The following GPC5 variants were observed in gnomAD, a reference collection of about 807,000 sequenced individuals.
The protein encoded by GPC5 is glypican 5.
Under a neutral mutation model 53.9 loss-of-function variants are expected in GPC5, and 47 were observed. That is an observed-to-expected ratio of 0.87 (90% CI 0.69 to 1.11). GPC5 has a LOEUF of 1.11. Ranked by LOEUF, GPC5 falls within the 50% of genes most tolerant of loss-of-function variation. The pLI is 0.00. For synonymous variants in GPC5, 286 were observed against 263.3 expected (o/e 1.09, Z -0.84); for missense variants, 748 against 713.1 (o/e 1.05, Z -0.56).
At chr13:92,613,118 C>T (rs1252571369) in intron 7 of GPC5, among the ~76,000 whole-genome samples, 4 of 149,062 alleles carry the variant, frequency 2.7e-5, no homozygotes, top group Admixed American at 6.9e-5. Context: ...AGAAGCAATA[C>T]GCCTGAATTA....
intron 2 of GPC5, among the ~76,000 whole-genome samples, chr13:91,683,105 T>C (rs1372425429): frequency 6.6e-6 from 1 of 151,868 alleles, no homozygotes; most frequent in Non-Finnish European, 1.5e-5. Flanking sequence ...TTATCCTGAA[T>C]TATCTGGGTG....
chr13:91,970,057 G>C (rs531003719), intron 6 of GPC5, among the ~76,000 whole-genome samples: 14 of 152,134 alleles, frequency 9.2e-5, no homozygotes, highest in East Asian at 1.9e-4. Flanking sequence ...AAATGTGCTA[G>C]ATACACACAA....
At chr13:91,647,743 G>T (rs1275938774) in intron 2 of GPC5, among the ~76,000 whole-genome samples, 1 of 152,204 alleles carries the variant, frequency 6.6e-6, no homozygotes, top group Non-Finnish European at 1.5e-5. Flanking sequence ...GGTCATGCCT[G>T]TAGCATGGTC....
chr13:91,971,397 T>C (rs1374293729), intron 6 of GPC5, among the ~76,000 whole-genome samples: 1 of 152,190 alleles, frequency 6.6e-6, no homozygotes, highest in Non-Finnish European at 1.5e-5. Context: ...ATCAATTTTG[T>C]TGATCTTTTC....
At chr13:92,675,020 G>T (rs17267306) in intron 7 of GPC5, among the ~76,000 whole-genome samples, 33,593 of 151,980 alleles carry the variant, frequency 0.22, 4,366 homozygotes, top group South Asian at 0.36. Flanking sequence ...GCTGTTTTGA[G>T]TTATATTTTT....
At chr13:92,284,902 C>T (rs769683484) in intron 7 of GPC5, among the ~76,000 whole-genome samples, 3 of 152,060 alleles carry the variant, frequency 2.0e-5, no homozygotes, top group Admixed American at 6.6e-5. Flanking sequence ...GGTAATCAGG[C>T]AGGAGAAATA....
chr13:92,160,450 T>A (rs1315240476), intron 7 of GPC5, among the ~76,000 whole-genome samples: 1 of 152,202 alleles, frequency 6.6e-6, no homozygotes, highest in African/African-American at 2.4e-5. Context: ...CTGTGTAGGA[T>A]AACATCTGTT....
At chr13:92,323,361 CATAT>C (rs200094469) in intron 7 of GPC5, among the ~76,000 whole-genome samples, 1 of 148,606 alleles carries the variant, frequency 6.7e-6, no homozygotes, top group Non-Finnish European at 1.5e-5. Context: ...ATAACAGATA[CATAT>C]ATATATATGT....
At chr13:91,674,192 G>A (rs894091565) in intron 2 of GPC5, among the ~76,000 whole-genome samples, 7 of 152,054 alleles carry the variant, frequency 4.6e-5, no homozygotes, top group African/African-American at 1.7e-4. Context: ...GGGCCATGAG[G>A]TGTCCCGGTG....
intron 6 of GPC5, among the ~76,000 whole-genome samples, chr13:92,120,297 C>G (rs1375000471): frequency 6.6e-6 from 1 of 152,178 alleles, no homozygotes; most frequent in African/African-American, 2.4e-5. Context: ...GATGAGGTCT[C>G]TGTCACCCAG....
At chr13:91,979,783 A>G (rs111550820) in intron 6 of GPC5, among the ~76,000 whole-genome samples, 3,615 of 150,690 alleles carry the variant, frequency 0.024, 143 homozygotes, top group African/African-American at 0.083. Flanking sequence ...TATGGGCACA[A>G]ATGTAATAAG....
intron 7 of GPC5, among the ~76,000 whole-genome samples, chr13:92,760,569 C>G (rs1326399046): frequency 6.6e-6 from 1 of 151,402 alleles, no homozygotes; most frequent in East Asian, 1.9e-4. Context: ...TTTTTTTATT[C>G]TGGCTAAGAG....
chr13:92,754,768 A>T (rs1874781045), intron 7 of GPC5, among the ~76,000 whole-genome samples: 1 of 151,496 alleles, frequency 6.6e-6, no homozygotes, highest in African/African-American at 2.4e-5. Context: ...TCAATTCAAC[A>T]AGAAGAGCTA....
rs547486422 is a variant in GPC5 at position 92,850,209 on chromosome 13, C to T, written c.1562-16073C>T. Among the ~76,000 whole-genome samples, 27 of 152,214 alleles carry T rather than the reference C, an allele frequency of 1.8e-4. No homozygotes were observed. In the South Asian group the frequency reaches 4.8e-3, roughly 27 times the overall value. ...TTTGAAAGCTGGAGAGCAGATGATA[C>T]GTGGTGCCTAACATAGGATGCCCAA... On this transcript the variant is annotated intron_variant, in intron 7 of 7. Coordinates refer to ENST00000377067, the MANE Select transcript of GPC5 (RefSeq NM_004466.6).
chr13:92,862,626 CAGATAGATAGATAGATAGAT>C (rs369002690), intron 7 of GPC5, among the ~76,000 whole-genome samples: 2 of 129,656 alleles, frequency 1.5e-5, no homozygotes, highest in Non-Finnish European at 3.5e-5. Flanking sequence ...GATAGATAGA[CAGATAGATAGATAGATAGAT>C]AGATAGATAG....
Position 91,521,699 on chromosome 13 carries a change from G to A in GPC5, c.325+72777G>A, listed in dbSNP as rs548402853. Among the ~76,000 whole-genome samples, 17 of 152,268 alleles carry A rather than the reference G, an allele frequency of 1.1e-4. No individual in the cohort carries two copies. The East Asian group carries it at 3.3e-3, about 29-fold the overall frequency. ...TGAGAGTTTTCCCACCAACAAGAAAGCAATCAGTTCTGCAGGGAACACCAG... is the reference window on the plus strand; with the variant it reads ...TGAGAGTTTTCCCACCAACAAGAAAACAATCAGTTCTGCAGGGAACACCAG... On this transcript the variant is annotated intron_variant, in intron 2 of 7. Coordinates refer to ENST00000377067, the MANE Select transcript of GPC5 (RefSeq NM_004466.6).
At chr13:92,847,837 AAAT>A (rs1255153832) in intron 7 of GPC5, among the ~76,000 whole-genome samples, 3 of 152,224 alleles carry the variant, frequency 2.0e-5, no homozygotes, top group Admixed American at 6.5e-5. Context: ...CACACAAATT[AAAT>A]AATCATCTTT....
intron 7 of GPC5, chr13:92,180,574 T>C (rs184500190): frequency 6.5e-6 from 1 of 153,652 alleles, no homozygotes; most frequent in Admixed American, 6.5e-5. Flanking sequence ...CACTTTGAAA[T>C]AGCTGCATGT....
At chr13:91,983,694 A>G (rs2040381672) in intron 6 of GPC5, among the ~76,000 whole-genome samples, 1 of 152,220 alleles carries the variant, frequency 6.6e-6, no homozygotes, top group Non-Finnish European at 1.5e-5. Context: ...GGCCATTTGT[A>G]GCTTGGTCAA....
Sources: allele counts gnomAD v4.1 joint callset (sites outside exome capture counted in the v4.1 genomes callset), GRCh38; gene constraint gnomAD v4.1.1; transcripts MANE v1.5; gene names NCBI Gene and HGNC (gene_info 2026-07-23, HGNC 2026-07-21).